ELOVL7: variants seen among roughly 807,000 people sequenced by gnomAD.
ELOVL7 encodes ELOVL fatty acid elongase 7.
In ELOVL7, 27 loss-of-function variants were observed where a neutral mutation model predicts 35.7. The observed-to-expected ratio is 0.76, with a 90% confidence interval of 0.56 to 1.04. ELOVL7 has a LOEUF of 1.04. Among genes scored for constraint, ELOVL7 ranks in the 50% least tolerant of loss-of-function variants. ELOVL7 has a pLI of 0.00. For synonymous variants in ELOVL7, 113 were observed against 114.6 expected (o/e 0.99, Z 0.09); for missense variants, 327 against 340.8 (o/e 0.96, Z 0.32).
Position 60,751,994 on chromosome 5 carries a change from A to T in ELOVL7, c.*2630T>A, listed in dbSNP as rs916304038. The stretch of plus-strand genomic sequence containing the variant: ...AAATCTATATTTGTATTTATTTATA[A>T]TATAGATATAGGCCCTCAAGGATTC... On this transcript the variant is annotated 3_prime_UTR_variant, in exon 9 of 9. Coordinates refer to ENST00000508821, the MANE Select transcript of ELOVL7 (RefSeq NM_024930.3). 6.6e-6 allele frequency: 1 copy of T among 152,196 alleles called. No individual in the cohort carries two copies. The highest frequency in any genetic ancestry group is 1.5e-5 in the Non-Finnish European group (1 of 68,040). 9.4% of individuals were successfully genotyped at this position (152,196 alleles called of 1,614,324 possible). A position where few individuals can be genotyped will look rare whatever the true frequency, so the allele number is the denominator to read the frequency against.
At position 60,795,586 on chromosome 5, in the gene ELOVL7, G is replaced by A. The variant is rs1009454769; in HGVS notation, c.-35+3594C>T. Among the ~76,000 whole-genome samples, 6 of 152,292 alleles carry A rather than the reference G, an allele frequency of 3.9e-5. No homozygotes were observed. The South Asian group carries it at 1.2e-3, about 32-fold the overall frequency. ...CTGCACACTCTTCTGGTCCGTGTTT[G>A]TTCTGGCTCAAGCTGAACTTTCGCT... On this transcript the variant is annotated intron_variant, in intron 2 of 8. Coordinates refer to ENST00000508821, the MANE Select transcript of ELOVL7 (RefSeq NM_024930.3).
intron 1 of ELOVL7, among the ~76,000 whole-genome samples, chr5:60,834,282 C>T (rs767945450): frequency 6.6e-6 from 1 of 152,088 alleles, no homozygotes; most frequent in Non-Finnish European, 1.5e-5. Flanking sequence ...GCTGGGATTA[C>T]AGGTGCCCGC....
intron 1 of ELOVL7, among the ~76,000 whole-genome samples, chr5:60,829,997 T>C (rs182590743): frequency 1.5e-4 from 23 of 152,336 alleles, no homozygotes; most frequent in African/African-American, 5.5e-4. Context: ...CATCTGCTCC[T>C]CTTTCTCCTC....
At chr5:60,843,034 C>T (rs1378872917) in intron 1 of ELOVL7, among the ~76,000 whole-genome samples, 1 of 151,916 alleles carries the variant, frequency 6.6e-6, no homozygotes, top group Non-Finnish European at 1.5e-5. Context: ...CAGAGGCAGC[C>T]ACCAGGTATC....
chr5:60,796,589 A>G (rs1043907778), intron 2 of ELOVL7, among the ~76,000 whole-genome samples: 11 of 152,380 alleles, frequency 7.2e-5, no homozygotes, highest in Non-Finnish European at 1.6e-4. Flanking sequence ...GGAAGCTACC[A>G]ACATGTATTC....
At chr5:60,825,745 C>T (rs1367107567) in intron 1 of ELOVL7, among the ~76,000 whole-genome samples, 1 of 152,178 alleles carries the variant, frequency 6.6e-6, no homozygotes, top group African/African-American at 2.4e-5. Flanking sequence ...AATGGAACAC[C>T]AGTCTCAAAG....
chr5:60,771,942 A>C lies in ELOVL7; in HGVS notation c.216T>G (p.Asn72Lys). The C allele has an allele frequency of 5.0e-6, 8 of 1,613,762 alleles. No homozygotes were observed. Among genetic ancestry groups the C allele is most frequent in the Non-Finnish European group, 5.9e-6 (7 of 1,179,818 alleles). ...FELKKAMITY[N>K]FFIVLFSVYM... ...ACACAGAAAAGAGTACTATGAAAAAATTGTACGTTATCATTGCTTTCTTGA... is the reference window on the plus strand; with the variant it reads ...ACACAGAAAAGAGTACTATGAAAAACTTGTACGTTATCATTGCTTTCTTGA... The change falls in exon 4 of 9, where the codon AAT becomes AAG. Residue 72 changes from asparagine to lysine, a missense_variant. Transcript: ENST00000508821.
In ELOVL7 at chr5:60,754,782, C is replaced by T. The variant is rs1032193221; in HGVS notation, c.688G>A (p.Asp230Asn). Residue 230 changes from aspartate to asparagine, a missense_variant, in exon 9 of 9, where the codon GAT (aspartate) becomes AAT (asparagine). Asp to Asn is a conservative substitution (Grantham distance 23). Coordinates refer to ENST00000508821, the MANE Select transcript of ELOVL7 (RefSeq NM_024930.3). Reference sequence around the variant, plus strand: ...AAGACTGGAAACTGATACTTGCAATCCTCCATGAAAAAGAACTGGCTTATG... The same window carrying T: ...AAGACTGGAAACTGATACTTGCAATTCTCCATGAAAAAGAACTGGCTTATG... ...IHISQFFFME[D>N]CKYQFPVFAC... 13 of 1,613,972 alleles carry T rather than the reference C, an allele frequency of 8.1e-6. No individual in the cohort carries two copies. The highest frequency in any genetic ancestry group is 1.0e-5 in the Non-Finnish European group (12 of 1,180,014).
At chr5:60,769,942 T>C (rs961753681) in intron 4 of ELOVL7, among the ~76,000 whole-genome samples, 8 of 151,922 alleles carry the variant, frequency 5.3e-5, no homozygotes, top group South Asian at 4.2e-4. Context: ...TCTCAGCTAC[T>C]TGGGAGGCTG....
intron 1 of ELOVL7, among the ~76,000 whole-genome samples, chr5:60,806,614 A>T (rs1744940282): frequency 6.6e-6 from 1 of 152,206 alleles, no homozygotes; most frequent in African/African-American, 2.4e-5. Context: ...TGATGAAAAA[A>T]AAAGAGTAAC....
At chr5:60,793,900 G>A (rs907747995) in intron 2 of ELOVL7, among the ~76,000 whole-genome samples, 1 of 152,144 alleles carries the variant, frequency 6.6e-6, no homozygotes, top group African/African-American at 2.4e-5. Context: ...TGAGAAGAAG[G>A]TAATCACAAG....
chr5:60,843,853 T>TG (rs1444426802), intron 1 of ELOVL7, among the ~76,000 whole-genome samples: 4 of 151,816 alleles, frequency 2.6e-5, no homozygotes, highest in East Asian at 2.0e-4. Flanking sequence ...TGCTGCCGGG[T>TG]GGGGGCTCCC....
chr5:60,825,257 C>T (rs1746103400), intron 1 of ELOVL7, among the ~76,000 whole-genome samples: 2 of 152,124 alleles, frequency 1.3e-5, no homozygotes, highest in South Asian at 2.1e-4. Context: ...GAATGCCCTG[C>T]CTCAAGGCAT....
At chr5:60,790,326 T>G (rs1743858856) in intron 2 of ELOVL7, among the ~76,000 whole-genome samples, 2 of 152,130 alleles carry the variant, frequency 1.3e-5, no homozygotes, top group African/African-American at 4.8e-5. Context: ...GAAGAAAGAT[T>G]TTATACTGTT....
At chr5:60,755,955 TTTA>T (rs1741516485) in intron 8 of ELOVL7, among the ~76,000 whole-genome samples, 1 of 152,198 alleles carries the variant, frequency 6.6e-6, no homozygotes, top group African/African-American at 2.4e-5. Flanking sequence ...TATAGTTTAT[TTTA>T]TTATCATTTT....
chr5:60,830,458 A>G (rs190372459), intron 1 of ELOVL7, among the ~76,000 whole-genome samples: 3 of 152,340 alleles, frequency 2.0e-5, no homozygotes, highest in Admixed American at 2.0e-4. Flanking sequence ...CTGAAGGATA[A>G]CAGCAGAGGA....
intron 1 of ELOVL7, among the ~76,000 whole-genome samples, chr5:60,833,576 GAA>G (rs200543771): frequency 6.6e-6 from 1 of 150,690 alleles, no homozygotes; most frequent in Admixed American, 6.6e-5. Flanking sequence ...ACTAAAAAAA[GAA>G]AAAAAAATTA....
At chr5:60,838,674 A>T (rs1477934435) in intron 1 of ELOVL7, among the ~76,000 whole-genome samples, 2 of 152,164 alleles carry the variant, frequency 1.3e-5, no homozygotes, top group African/African-American at 4.8e-5. Flanking sequence ...TGTCTTTAAC[A>T]TGGGGAATTT....
chr5:60,780,882 T>G (rs1198193362), intron 3 of ELOVL7, among the ~76,000 whole-genome samples: 2 of 152,138 alleles, frequency 1.3e-5, no homozygotes, highest in Non-Finnish European at 2.9e-5. Flanking sequence ...TATTACTATG[T>G]CTAGTTGTTA....
Sources: gnomAD v4.1 joint callset for allele counts (sites outside exome capture counted in the v4.1 genomes callset) on GRCh38, gnomAD v4.1.1 for gene constraint, MANE v1.5 for transcripts, NCBI Gene and HGNC (gene_info 2026-07-23, HGNC 2026-07-21) for gene names.